Variants in LHFPL2 observed in about 807,000 individuals in gnomAD.
The protein encoded by LHFPL2 is LHFPL tetraspan subfamily member 2 protein.
In LHFPL2, 7 loss-of-function variants were observed where a neutral mutation model predicts 17.5. The observed-to-expected ratio is 0.40, with a 90% CI of 0.23 to 0.75. The LOEUF is 0.75. Among genes scored for constraint, LHFPL2 ranks in the 30% least tolerant of loss-of-function variants. The pLI, the probability that LHFPL2 is intolerant of heterozygous loss-of-function variation, is 0.37. For synonymous variants in LHFPL2, 134 were observed against 116.2 expected, an observed-to-expected ratio of 1.15 and a Z score of -0.99; for missense variants, 241 against 294.8, an observed-to-expected ratio of 0.82 and a Z score of 1.34.
intron 2 of LHFPL2, chr5:78,624,811 T>G (rs1488885327): frequency 6.6e-6 from 1 of 152,000 alleles, no homozygotes; most frequent in Non-Finnish European, 1.5e-5. Context: ...TTCTTTTTTT[T>G]TTTTTCTTTT....
intron 2 of LHFPL2, among the ~76,000 whole-genome samples, chr5:78,618,366 G>C (rs1744694437): frequency 6.6e-6 from 1 of 152,166 alleles, no homozygotes; most frequent in South Asian, 2.1e-4. Flanking sequence ...TCAAGAATTT[G>C]GGCAAGGAGC....
chr5:78,504,539 T>C (rs1754875091), intron 4 of LHFPL2, among the ~76,000 whole-genome samples: 1 of 152,176 alleles, frequency 6.6e-6, no homozygotes, highest in African/African-American at 2.4e-5. Flanking sequence ...TAAAAAGCAG[T>C]AAGAATACCA....
intron 2 of LHFPL2, among the ~76,000 whole-genome samples, chr5:78,629,820 G>T (rs888048889): frequency 1.3e-5 from 2 of 152,126 alleles, no homozygotes; most frequent in Admixed American, 1.3e-4. Context: ...CAGTGTCTTT[G>T]GATCAAGGCC....
At chr5:78,621,736 C>G (rs1744863288) in intron 2 of LHFPL2, among the ~76,000 whole-genome samples, 1 of 152,206 alleles carries the variant, frequency 6.6e-6, no homozygotes, top group African/African-American at 2.4e-5. Context: ...AAATAAATTA[C>G]TGCATTGCTG....
chr5:78,557,979 G>A (rs1430111662), intron 3 of LHFPL2, among the ~76,000 whole-genome samples: 1 of 152,160 alleles, frequency 6.6e-6, no homozygotes, highest in Non-Finnish European at 1.5e-5. Context: ...AATTTGAATT[G>A]AATTAATCCA....
intron 3 of LHFPL2, among the ~76,000 whole-genome samples, chr5:78,548,308 G>A (rs545942322): frequency 2.3e-4 from 35 of 152,364 alleles, no homozygotes; most frequent in African/African-American, 8.4e-4. Flanking sequence ...AGTGGATGTT[G>A]TATCCAAGGA....
intron 3 of LHFPL2, among the ~76,000 whole-genome samples, chr5:78,514,625 C>T (rs1011335436): frequency 1.3e-5 from 2 of 152,152 alleles, no homozygotes; most frequent in African/African-American, 4.8e-5. Flanking sequence ...ACCCAGTGCC[C>T]GCCGGCTGGA....
intron 4 of LHFPL2, among the ~76,000 whole-genome samples, chr5:78,495,367 T>G (rs1754573843): frequency 6.6e-6 from 1 of 152,210 alleles, no homozygotes; most frequent in Non-Finnish European, 1.5e-5. Flanking sequence ...GTTTCTTGTC[T>G]TTGTGGGTCA....
chr5:78,628,714 G>A (rs1745145722), intron 2 of LHFPL2, among the ~76,000 whole-genome samples: 1 of 152,210 alleles, frequency 6.6e-6, no homozygotes, highest in African/African-American at 2.4e-5. Flanking sequence ...CCGGGAACAA[G>A]GAGAATGAGA....
chr5:78,632,037 G>A (rs1745270721), intron 2 of LHFPL2, among the ~76,000 whole-genome samples: 1 of 152,160 alleles, frequency 6.6e-6, no homozygotes, highest in East Asian at 1.9e-4. Context: ...AGAAAAGGGT[G>A]TTGAAACAAA....
chr5:78,532,202 G>C (rs1043735955), intron 3 of LHFPL2, among the ~76,000 whole-genome samples: 1 of 152,024 alleles, frequency 6.6e-6, no homozygotes, highest in African/African-American at 2.4e-5. Flanking sequence ...GGGATTACAG[G>C]TGTGAGCCAC....
chr5:78,615,235 C>A (rs757043895), intron 2 of LHFPL2, among the ~76,000 whole-genome samples: 1 of 151,998 alleles, frequency 6.6e-6, no homozygotes, highest in Non-Finnish European at 1.5e-5. Context: ...ACGGGAGAAG[C>A]GAGAGTCCTG....
At chr5:78,610,232 A>C (rs943523798) in intron 2 of LHFPL2, among the ~76,000 whole-genome samples, 1 of 152,198 alleles carries the variant, frequency 6.6e-6, no homozygotes, top group African/African-American at 2.4e-5. Context: ...GGTCCCACCA[A>C]GGGCAGGCAG....
intron 2 of LHFPL2, among the ~76,000 whole-genome samples, chr5:78,580,311 T>C (rs1743071215): frequency 6.6e-6 from 1 of 152,218 alleles, no homozygotes; most frequent in East Asian, 1.9e-4. Context: ...TTCACACTGA[T>C]GGTAATTTCT....
intron 4 of LHFPL2, among the ~76,000 whole-genome samples, chr5:78,506,257 C>A (rs1046305878): frequency 2.6e-5 from 4 of 152,132 alleles, no homozygotes; most frequent in Non-Finnish European, 5.9e-5. Flanking sequence ...AAGCCTGTGG[C>A]CTATTTATAT....
At chr5:78,575,201 A>T (rs1170881932) in intron 2 of LHFPL2, among the ~76,000 whole-genome samples, 1 of 152,172 alleles carries the variant, frequency 6.6e-6, no homozygotes, top group East Asian at 1.9e-4. Context: ...GTTAAACACA[A>T]GATTTCATTT....
At chr5:78,628,766 CTGTT>C (rs952247457) in intron 2 of LHFPL2, among the ~76,000 whole-genome samples, 1 of 152,206 alleles carries the variant, frequency 6.6e-6, no homozygotes, top group Non-Finnish European at 1.5e-5. Flanking sequence ...AGAGCTTCAG[CTGTT>C]TGTTTTCTTT....
At chr5:78,578,598 C>CACAT (rs1757193440) in intron 2 of LHFPL2, among the ~76,000 whole-genome samples, 1 of 150,982 alleles carries the variant, frequency 6.6e-6, no homozygotes, top group Admixed American at 6.6e-5. Flanking sequence ...CACACACACA[C>CACAT]ACACACACAC....
intron 3 of LHFPL2, among the ~76,000 whole-genome samples, chr5:78,520,579 C>G (rs964656741): frequency 3.3e-5 from 5 of 152,222 alleles, no homozygotes; most frequent in African/African-American, 1.2e-4. Context: ...GACGGGGAGA[C>G]CCCACAGGTT....
Sources: allele counts gnomAD v4.1 joint callset (sites outside exome capture counted in the v4.1 genomes callset), GRCh38; gene constraint gnomAD v4.1.1; transcripts MANE v1.5; gene names NCBI Gene and HGNC (gene_info 2026-07-23, HGNC 2026-07-21).